KCNU1: variants seen among roughly 807,000 people sequenced by gnomAD.
KCNU1 encodes potassium calcium-activated channel subfamily U member 1.
In KCNU1, 93 loss-of-function variants were observed where a neutral mutation model predicts 126.8. The observed-to-expected ratio is 0.73, with a 90% CI of 0.62 to 0.87. The LOEUF (loss-of-function observed/expected upper bound fraction) is 0.87. KCNU1 is among the 40% of genes least tolerant of loss of function. The probability of loss-of-function intolerance (pLI) is 0.00; values close to 1 mark genes in which losing one functional copy is unlikely to be tolerated. For missense variants in KCNU1, 1,330 were observed against 1,367.1 expected, an observed-to-expected ratio of 0.97 and a Z score of 0.43; for synonymous variants, 523 against 494.2, an observed-to-expected ratio of 1.06 and a Z score of -0.77.
rs75908400 is a variant in KCNU1 at position 36,920,780 on chromosome 8, A to G, written c.2597-1710A>G. ...GAGGGCTCACAATGCAGGGAGAGAAATGTAGAAGTGCACAGGAGATGTGGA... is the reference window on the plus strand; with the variant it reads ...GAGGGCTCACAATGCAGGGAGAGAAGTGTAGAAGTGCACAGGAGATGTGGA... On this transcript the variant is annotated intron_variant, in intron 23 of 26. Transcript: ENST00000399881. Among the ~76,000 whole-genome samples the G allele has an allele frequency of 8.8e-3, 1,346 of 152,292 alleles. 11 individuals carry two copies. The highest frequency in any genetic ancestry group is 0.034 in the Middle Eastern group (10 of 294).
intron 19 of KCNU1, among the ~76,000 whole-genome samples, chr8:36,903,826 T>C (rs1807515903): frequency 6.6e-6 from 1 of 152,132 alleles, no homozygotes. Context: ...AAGAAGTCCT[T>C]CTTCACATGA....
chr8:36,824,478 A>C (rs998041863), intron 10 of KCNU1, among the ~76,000 whole-genome samples: 15 of 152,340 alleles, frequency 9.8e-5, no homozygotes, highest in African/African-American at 3.1e-4. Context: ...ATGTATATAT[A>C]GGAAAAATGG....
chr8:36,932,019 G>T (rs576054286), intron 25 of KCNU1, among the ~76,000 whole-genome samples: 1 of 152,184 alleles, frequency 6.6e-6, no homozygotes, highest in South Asian at 2.1e-4. Context: ...GTTAGGGGCA[G>T]GCTGTTCCAA....
intron 14 of KCNU1, among the ~76,000 whole-genome samples, chr8:36,838,945 G>T (rs910097020): frequency 6.6e-6 from 1 of 152,058 alleles, no homozygotes; most frequent in African/African-American, 2.4e-5. Context: ...ACAAACTATC[G>T]ACTTTGGTTT....
At position 36,833,671 on chromosome 8, in the gene KCNU1, C is replaced by A; in HGVS notation, c.1212+12C>A. The A allele has an allele frequency of 6.5e-7, 1 of 1,531,718 alleles. No individual in the cohort carries two copies. Among genetic ancestry groups the A allele is most frequent in the Non-Finnish European group, 9.0e-7 (1 of 1,105,884 alleles). 94.9% of individuals were successfully genotyped at this position (1,531,718 alleles called of 1,614,324 possible). A position where few individuals can be genotyped will look rare whatever the true frequency, so the allele number is the denominator to read the frequency against. On this transcript the variant is annotated intron_variant, in intron 11 of 26. Transcript: ENST00000399881. ...TGAGGCGAGTTGCGGTAAGATCTAG[C>A]TGTTTTTGTTCCTTGTAGTTTTCCT...
intron 2 of KCNU1, among the ~76,000 whole-genome samples, chr8:36,788,108 C>A (rs1802779065): frequency 6.6e-6 from 1 of 152,020 alleles, no homozygotes; most frequent in South Asian, 2.1e-4. Flanking sequence ...ATTATGCAAA[C>A]TAGCCTTTAG....
chr8:36,811,393 CA>C (rs1472247943), intron 7 of KCNU1, among the ~76,000 whole-genome samples: 3 of 152,142 alleles, frequency 2.0e-5, no homozygotes, highest in African/African-American at 4.8e-5. Context: ...AGGGTCTATA[CA>C]GGGGGGAACC....
chr8:36,787,523 G>C, intron 2 of KCNU1, 98 bp downstream of exon 2: 1 of 1,221,974 alleles, frequency 8.2e-7, no homozygotes. Flanking sequence ...AACAACTGAC[G>C]TTCCTTTGGT....
rs1190778271 is a variant in KCNU1 at position 36,935,924 on chromosome 8, T to A, written c.*4T>A. 6.4e-7 allele frequency: 1 copy of A among 1,555,522 alleles called. No individual in the cohort carries two copies. Among genetic ancestry groups the A allele is most frequent in the African/African-American group, 1.4e-5 (1 of 72,780 alleles). On this transcript the variant is annotated 3_prime_UTR_variant, in exon 27 of 27. Transcript: ENST00000399881. ...TGCATATTCAGAGCCACTATAGACCTGCCCATATTCTTCACGTGCTCTTAA... is the reference window on the plus strand; with the variant it reads ...TGCATATTCAGAGCCACTATAGACCAGCCCATATTCTTCACGTGCTCTTAA...
intron 10 of KCNU1, among the ~76,000 whole-genome samples, chr8:36,817,981 A>C (rs1238941270): frequency 6.6e-6 from 1 of 152,230 alleles, no homozygotes; most frequent in East Asian, 1.9e-4. Flanking sequence ...AATATGATTT[A>C]AGTGATTATC....
intron 18 of KCNU1, among the ~76,000 whole-genome samples, chr8:36,863,775 G>A (rs2117334685): frequency 6.6e-6 from 1 of 152,154 alleles, no homozygotes; most frequent in East Asian, 1.9e-4. Context: ...GGTGCTCATT[G>A]AATCTATTAA....
chr8:36,867,340 A>G (rs1805947375), intron 19 of KCNU1, among the ~76,000 whole-genome samples: 1 of 152,108 alleles, frequency 6.6e-6, no homozygotes, highest in Admixed American at 6.6e-5. Context: ...CCTGGGGGGA[A>G]TGTGGCATTT....
intron 24 of KCNU1, among the ~76,000 whole-genome samples, chr8:36,927,423 C>A (rs777372889): frequency 1.3e-5 from 2 of 152,076 alleles, no homozygotes; most frequent in Non-Finnish European, 2.9e-5. Flanking sequence ...CAGCCAGGCC[C>A]ATATGCAGGG....
intron 10 of KCNU1, among the ~76,000 whole-genome samples, chr8:36,826,509 C>T (rs958462236): frequency 3.9e-5 from 6 of 152,210 alleles, no homozygotes; most frequent in East Asian, 1.9e-4. Flanking sequence ...TGCGCTAGGC[C>T]GTATGAACTG....
chr8:36,864,181 T>C (rs984835586), intron 18 of KCNU1, among the ~76,000 whole-genome samples: 1 of 152,156 alleles, frequency 6.6e-6, no homozygotes, highest in Non-Finnish European at 1.5e-5. Flanking sequence ...TAGGTACTTA[T>C]TTTAAACACA....
intron 19 of KCNU1, among the ~76,000 whole-genome samples, chr8:36,870,771 C>T (rs1230253650): frequency 6.6e-6 from 1 of 152,164 alleles, no homozygotes; most frequent in Non-Finnish European, 1.5e-5. Flanking sequence ...AAATCAAAAG[C>T]ATTCTCTGGT....
chr8:36,911,469 G>A (rs76619128), intron 22 of KCNU1, among the ~76,000 whole-genome samples: 2 of 152,160 alleles, frequency 1.3e-5, no homozygotes, highest in African/African-American at 4.8e-5. Flanking sequence ...TACCACTATA[G>A]TTATTATTAT....
At chr8:36,800,589 C>A (rs551947985) in intron 2 of KCNU1, among the ~76,000 whole-genome samples, 1 of 152,346 alleles carries the variant, frequency 6.6e-6, no homozygotes, top group Non-Finnish European at 1.5e-5. Flanking sequence ...GGCTGGGTGG[C>A]CCCATCTCCA....
At chr8:36,824,568 G>T (rs1291707649) in intron 10 of KCNU1, among the ~76,000 whole-genome samples, 2 of 152,118 alleles carry the variant, frequency 1.3e-5, no homozygotes, top group Non-Finnish European at 2.9e-5. Flanking sequence ...CTTTGGATAA[G>T]GATGGATTAC....
Sources: allele counts gnomAD v4.1 joint callset (sites outside exome capture counted in the v4.1 genomes callset), GRCh38; gene constraint gnomAD v4.1.1; transcripts MANE v1.5; gene names NCBI Gene and HGNC (gene_info 2026-07-23, HGNC 2026-07-21).